Variants in SLC12A8 observed in about 807,000 individuals in gnomAD.
SLC12A8 encodes solute carrier family 12 member 8, also known as cation-chloride cotransporter 9.
In SLC12A8, 69 loss-of-function variants were observed where a neutral mutation model predicts 75.6. The observed-to-expected ratio is 0.91, with a 90% CI of 0.75 to 1.11. The LOEUF is 1.11. SLC12A8 is among the 50% of genes most tolerant of loss of function. The pLI, the probability that SLC12A8 is intolerant of heterozygous loss-of-function variation, is 0.00. For missense variants in SLC12A8, 877 were observed against 896.7 expected, an observed-to-expected ratio of 0.98 and a Z score of 0.28; for synonymous variants, 365 against 372.8, an observed-to-expected ratio of 0.98 and a Z score of 0.24.
At chr3:125,132,628 TTTGGTTCA>T (rs1933389796) in intron 6 of SLC12A8, among the ~76,000 whole-genome samples, 2 of 152,164 alleles carry the variant, frequency 1.3e-5, no homozygotes, top group Admixed American at 1.3e-4. Context: ...GTGAGATGGG[TTTGGTTCA>T]AACTTGTTCG....
chr3:125,164,738 C>G (rs1934249096), intron 5 of SLC12A8, among the ~76,000 whole-genome samples: 2 of 152,352 alleles, frequency 1.3e-5, no homozygotes. Flanking sequence ...CAGAGCAGAG[C>G]CTGCATGAGT....
intron 5 of SLC12A8, among the ~76,000 whole-genome samples, chr3:125,168,490 G>A (rs2107782403): frequency 6.6e-6 from 1 of 152,300 alleles, no homozygotes; most frequent in South Asian, 2.1e-4. Flanking sequence ...CACTGGTGCA[G>A]CGATGGTGGA....
At chr3:125,121,451 C>A (rs1324425583) in intron 6 of SLC12A8, among the ~76,000 whole-genome samples, 1 of 152,120 alleles carries the variant, frequency 6.6e-6, no homozygotes, top group Admixed American at 6.6e-5. Flanking sequence ...CAGGAAAGAC[C>A]CGTGGAGGGG....
chr3:125,148,642 C>T (rs1262743024), intron 5 of SLC12A8, among the ~76,000 whole-genome samples: 1 of 152,164 alleles, frequency 6.6e-6, no homozygotes, highest in African/African-American at 2.4e-5. Flanking sequence ...CCACCCCCAA[C>T]CCTCGGCCAG....
chr3:125,125,916 G>A, intron 6 of SLC12A8: 2 of 984,268 alleles, frequency 2.0e-6, no homozygotes, highest in Non-Finnish European at 2.4e-6. Flanking sequence ...TCGGCGCGAT[G>A]CATTGGTTTC....
chr3:125,198,256 T>A (rs1449566841), intron 2 of SLC12A8, among the ~76,000 whole-genome samples: 24 of 130,654 alleles, frequency 1.8e-4, no homozygotes, highest in Admixed American at 4.6e-4. Context: ...ATGTGTTCTT[T>A]AAAAAAAAAA....
rs2107726297 is a variant in SLC12A8 at position 125,082,811 on chromosome 3, AAAGAT to A, written c.*1074_*1078del. The A allele has an allele frequency of 6.6e-6, 1 of 152,248 alleles. No homozygotes were observed. Among genetic ancestry groups the A allele is most frequent in the East Asian group, 1.9e-4 (1 of 5,202 alleles). The allele number at this position is 152,248 out of a possible 1,614,324, so 9.4% of individuals were successfully genotyped here. On this transcript the variant is annotated 3_prime_UTR_variant, in exon 14 of 14. Transcript: ENST00000469902. ...CACTGCAGAGCTGATTGTCATTGCA[AAAGAT>A]TGGAAAGAATCCAAATGCTCATCAT...
At chr3:125,115,216 T>C (rs1437636762) in intron 8 of SLC12A8, among the ~76,000 whole-genome samples, 2 of 151,950 alleles carry the variant, frequency 1.3e-5, no homozygotes, top group Admixed American at 1.3e-4. Flanking sequence ...TCCTCTGCAG[T>C]GGGGATAAAA....
At chr3:125,155,334 C>T (rs1934023358) in intron 5 of SLC12A8, among the ~76,000 whole-genome samples, 1 of 152,086 alleles carries the variant, frequency 6.6e-6, no homozygotes, top group African/African-American at 2.4e-5. Flanking sequence ...TTCTTCTCTG[C>T]TTACAAGCAG....
At chr3:125,206,747 G>T (rs1385701900) in intron 2 of SLC12A8, 4 of 152,232 alleles carry the variant, frequency 2.6e-5, no homozygotes, top group Admixed American at 6.5e-5. Flanking sequence ...TGCTTCCAGG[G>T]AGGCCTCAGG....
intron 5 of SLC12A8, among the ~76,000 whole-genome samples, chr3:125,154,360 GA>G (rs1934000185): frequency 6.6e-6 from 1 of 152,236 alleles, no homozygotes; most frequent in Non-Finnish European, 1.5e-5. Context: ...CCTGAGGTCA[GA>G]AGCCAGGGCT....
intron 12 of SLC12A8, among the ~76,000 whole-genome samples, chr3:125,090,330 A>G (rs1360423656): frequency 4.6e-5 from 7 of 152,186 alleles, no homozygotes; most frequent in Admixed American, 1.3e-4. Context: ...AATATTTTTT[A>G]TGTACTAGAA....
intron 13 of SLC12A8, among the ~76,000 whole-genome samples, chr3:125,084,612 G>A (rs1209861581): frequency 6.6e-6 from 1 of 152,236 alleles, no homozygotes; most frequent in Non-Finnish European, 1.5e-5. Flanking sequence ...TGGAGTCTCT[G>A]CATACAGTTT....
At chr3:125,157,723 C>T (rs2107775791) in intron 5 of SLC12A8, among the ~76,000 whole-genome samples, 1 of 152,296 alleles carries the variant, frequency 6.6e-6, no homozygotes, top group East Asian at 1.9e-4. Context: ...CTTGTGTGAC[C>T]TCTGGGGTAC....
At chr3:125,116,452 C>T (rs940733996) in intron 8 of SLC12A8, among the ~76,000 whole-genome samples, 4 of 152,246 alleles carry the variant, frequency 2.6e-5, no homozygotes, top group African/African-American at 9.6e-5. Context: ...AAGTGCTTGC[C>T]TACCTGCTCA....
chr3:125,210,405 G>A (rs1935313503), intron 2 of SLC12A8, among the ~76,000 whole-genome samples: 1 of 152,192 alleles, frequency 6.6e-6, no homozygotes, highest in Non-Finnish European at 1.5e-5. Flanking sequence ...GACTGTATAG[G>A]GCTGAGGCTG....
chr3:125,190,331 T>C (rs1225198737), intron 3 of SLC12A8, 44 bp downstream of exon 3: 2 of 1,608,084 alleles, frequency 1.2e-6, no homozygotes, highest in South Asian at 1.1e-5. Context: ...AGCTTTCCTG[T>C]CTTGGGCCCG....
chr3:125,206,430 T>C, intron 2 of SLC12A8, among the ~76,000 whole-genome samples: 1 of 152,170 alleles, frequency 6.6e-6, no homozygotes, highest in East Asian at 1.9e-4. Context: ...GACAAGCAAA[T>C]GGACTAGGCC....
intron 5 of SLC12A8, among the ~76,000 whole-genome samples, chr3:125,156,501 A>C (rs534896768): frequency 6.6e-5 from 10 of 152,204 alleles, no homozygotes; most frequent in African/African-American, 2.2e-4. Context: ...CTAACGAGAC[A>C]AAAAATCAAT....
Sources: gnomAD v4.1 joint callset for allele counts (sites outside exome capture counted in the v4.1 genomes callset) on GRCh38, gnomAD v4.1.1 for gene constraint, MANE v1.5 for transcripts, NCBI Gene and HGNC (gene_info 2026-07-23, HGNC 2026-07-21) for gene names.